The following SNRPN variants were observed in gnomAD, a reference collection of about 807,000 sequenced individuals.
SNRPN encodes small nuclear ribonucleoprotein-associated protein N.
In SNRPN, 7 loss-of-function variants were observed where a neutral mutation model predicts 25.2. The observed-to-expected ratio is 0.28, with a 90% CI of 0.16 to 0.52. The LOEUF (loss-of-function observed/expected upper bound fraction) is 0.52. Among genes scored for constraint, SNRPN ranks in the 20% least tolerant of loss-of-function variants. The probability of loss-of-function intolerance (pLI) is 0.96; values close to 1 mark genes in which losing one functional copy is unlikely to be tolerated. For synonymous variants in SNRPN, 124 were observed against 110.6 expected, an observed-to-expected ratio of 1.12 and a Z score of -0.76; for missense variants, 196 against 322.5, an observed-to-expected ratio of 0.61 and a Z score of 3.00.
chr15:24,865,353 TA>T (rs1344616049), intron 1 of SNRPN, among the ~76,000 whole-genome samples: 1 of 152,150 alleles, frequency 6.6e-6, no homozygotes, highest in African/African-American at 2.4e-5. Context: ...AGCTGAGACT[TA>T]ACATTTAAAT....
chr15:24,908,083 A>G (rs67389318), intron 2 of SNRPN, among the ~76,000 whole-genome samples: 37,273 of 143,788 alleles, frequency 0.26, 5,892 homozygotes, highest in East Asian at 0.42. Context: ...AAAAAAGAAT[A>G]AGAAAGAAAG....
At chr15:24,908,281 T>TAA in intron 2 of SNRPN, among the ~76,000 whole-genome samples, 1 of 152,172 alleles carries the variant, frequency 6.6e-6, no homozygotes, top group Non-Finnish European at 1.5e-5. Flanking sequence ...AGTGTTGCAA[T>TAA]AACAAATACC....
intron 5 of SNRPN, 134 bp downstream of exon 5, chr15:24,975,643 C>T (rs1005864870): frequency 1.0e-5 from 7 of 696,498 alleles, no homozygotes; most frequent in Middle Eastern, 8.3e-4. Flanking sequence ...ATTGTTTAAC[C>T]TCTTGACCTG....
intron 1 of SNRPN, among the ~76,000 whole-genome samples, chr15:24,861,473 C>G (rs1271918787): frequency 6.6e-6 from 1 of 152,184 alleles, no homozygotes; most frequent in Non-Finnish European, 1.5e-5. Context: ...GCTTGCAGGA[C>G]TGGAAGTTCT....
Position 24,936,267 on chromosome 15 carries a change from A to G in SNRPN, c.-391+16143A>G, listed in dbSNP as rs2061231343. Among the ~76,000 whole-genome samples, 3 of 152,312 alleles carry G rather than the reference A, an allele frequency of 2.0e-5. 1 individual carries two copies. In the South Asian group the frequency reaches 6.2e-4, roughly 32 times the overall value. On this transcript the variant is annotated intron_variant, in intron 3 of 11. Transcript: ENST00000400097. ...TAAAACTTTGTGGTGAGAATTAGAG[A>G]AAGCTTAATTTGCTGCTTGGCATCC... is the stretch of plus-strand genomic sequence containing the variant.
chr15:24,887,466 T>G (rs1361042162), intron 2 of SNRPN, among the ~76,000 whole-genome samples: 1 of 150,952 alleles, frequency 6.6e-6, no homozygotes, highest in East Asian at 2.0e-4. Flanking sequence ...GTCTTAATGC[T>G]GAGTTGAACT....
intron 1 of SNRPN, among the ~76,000 whole-genome samples, chr15:24,864,628 G>A (rs536598267): frequency 2.0e-5 from 3 of 150,260 alleles, no homozygotes; most frequent in African/African-American, 7.4e-5. Flanking sequence ...ACAGGTGTGA[G>A]CCACTGTGCC....
intron 1 of SNRPN, among the ~76,000 whole-genome samples, chr15:24,883,039 T>C (rs948649413): frequency 1.3e-5 from 2 of 152,032 alleles, no homozygotes; most frequent in Non-Finnish European, 1.5e-5. Context: ...TGAAAAACAA[T>C]GGTTGTGTGA....
intron 2 of SNRPN, among the ~76,000 whole-genome samples, chr15:24,905,021 G>A (rs1427383506): frequency 1.3e-5 from 2 of 150,624 alleles, no homozygotes. Context: ...GCTGAGGCAG[G>A]AGAATCGCTT....
At chr15:24,943,228 C>T in intron 3 of SNRPN, among the ~76,000 whole-genome samples, 1 of 152,144 alleles carries the variant, frequency 6.6e-6, no homozygotes, top group Non-Finnish European at 1.5e-5. Flanking sequence ...CAACCAGGAA[C>T]ACTGTCCCAA....
At chr15:24,830,311 A>G (rs2141408831) in intron 2 of SNRPN, among the ~76,000 whole-genome samples, 1 of 152,152 alleles carries the variant, frequency 6.6e-6, no homozygotes, top group East Asian at 1.9e-4. Flanking sequence ...TCACCTCTCC[A>G]TGATCTTAAG....
intron 3 of SNRPN, among the ~76,000 whole-genome samples, chr15:24,936,077 T>C (rs2061220005): frequency 6.6e-6 from 1 of 151,350 alleles, no homozygotes. Flanking sequence ...ATCATGCCAC[T>C]GCACTCCCGC....
intron 1 of SNRPN, among the ~76,000 whole-genome samples, chr15:24,875,878 AC>A (rs2055809467): frequency 1.3e-5 from 2 of 152,004 alleles, no homozygotes; most frequent in South Asian, 4.1e-4. Flanking sequence ...ACATAGTGAA[AC>A]CCCATCTCTA....
chr15:24,902,562 G>A (rs537922682), intron 2 of SNRPN, among the ~76,000 whole-genome samples: 3 of 152,280 alleles, frequency 2.0e-5, no homozygotes, highest in East Asian at 1.9e-4. Flanking sequence ...CTGGCAGTGA[G>A]TGTTACAGTT....
At chr15:24,963,617 G>GA (rs796727910) in intron 2 of SNRPN, among the ~76,000 whole-genome samples, 10,024 of 131,298 alleles carry the variant, frequency 0.076, 824 homozygotes, top group African/African-American at 0.21. Flanking sequence ...TCCATCTCAG[G>GA]AAAAAAAAAA....
intron 4 of SNRPN, 59 bp downstream of exon 4, chr15:24,974,515 T>TCCC: frequency 6.5e-7 from 1 of 1,544,824 alleles, no homozygotes; most frequent in Non-Finnish European, 9.0e-7. Flanking sequence ...AAGAAATAGT[T>TCCC]TGCCAGCATG....
At chr15:24,868,575 G>A (rs949439755) in intron 1 of SNRPN, among the ~76,000 whole-genome samples, 3 of 152,214 alleles carry the variant, frequency 2.0e-5, no homozygotes, top group Non-Finnish European at 4.4e-5. Context: ...TAGAATGCAA[G>A]GTTGTGTTCA....
chr15:24,944,407 TATTTA>T, intron 3 of SNRPN, among the ~76,000 whole-genome samples: 1 of 152,308 alleles, frequency 6.6e-6, no homozygotes, highest in Admixed American at 6.5e-5. Flanking sequence ...CTTTTATACT[TATTTA>T]ATTTAAAGTA....
chr15:24,848,544 A>G (rs2052483775), intron 2 of SNRPN: 1 of 152,134 alleles, frequency 6.6e-6, no homozygotes, highest in South Asian at 2.1e-4. Context: ...GTTTCTTTAC[A>G]ACCTCTTTTT....
Sources: gnomAD v4.1 joint callset for allele counts (sites outside exome capture counted in the v4.1 genomes callset) on GRCh38, gnomAD v4.1.1 for gene constraint, MANE v1.5 for transcripts, NCBI Gene and HGNC (gene_info 2026-07-23, HGNC 2026-07-21) for gene names.